The following ERBB4 variants were observed in gnomAD, a reference collection of about 807,000 sequenced individuals.
ERBB4 encodes receptor tyrosine-protein kinase erbB-4.
Under a neutral mutation model 158.0 loss-of-function variants are expected in ERBB4, and 42 were observed. That is an observed-to-expected ratio of 0.27 (90% confidence interval 0.21 to 0.34). The LOEUF is 0.34. Ranked by LOEUF, ERBB4 falls within the 10% of genes least tolerant of loss-of-function variation. The pLI, the probability that ERBB4 is intolerant of heterozygous loss-of-function variation, is 1.00. For synonymous variants in ERBB4, 583 were observed against 558.7 expected (o/e 1.04, Z -0.61); for missense variants, 1,333 against 1,624.1 (o/e 0.82, Z 3.08).
intron 25 of ERBB4, among the ~76,000 whole-genome samples, chr2:211,412,974 G>GAAAGA (rs1474556478): frequency 6.8e-6 from 1 of 147,658 alleles, no homozygotes; most frequent in African/African-American, 2.5e-5. Context: ...AAGAAAGAAA[G>GAAAGA]AAAGAAAAGA....
At chr2:212,416,709 T>C (rs1419091373) in intron 1 of ERBB4, among the ~76,000 whole-genome samples, 3 of 152,046 alleles carry the variant, frequency 2.0e-5, no homozygotes, top group Non-Finnish European at 4.4e-5. Flanking sequence ...ATATATGTAG[T>C]CTGGGGTCAC....
At chr2:212,440,430 C>G (rs1290003808) in intron 1 of ERBB4, among the ~76,000 whole-genome samples, 1 of 152,176 alleles carries the variant, frequency 6.6e-6, no homozygotes, top group South Asian at 2.1e-4. Context: ...GACTGGCTGT[C>G]CTTGCTCCTC....
At chr2:211,859,896 T>G (rs2077968996) in intron 3 of ERBB4, among the ~76,000 whole-genome samples, 2 of 152,200 alleles carry the variant, frequency 1.3e-5, no homozygotes, top group South Asian at 4.1e-4. Context: ...CATTAACTTC[T>G]TTTCCTATTT....
At chr2:211,939,243 T>C (rs1422317891) in intron 3 of ERBB4, among the ~76,000 whole-genome samples, 1 of 152,010 alleles carries the variant, frequency 6.6e-6, no homozygotes, top group African/African-American at 2.4e-5. Context: ...TTTTTGGGAG[T>C]GACATATGAA....
chr2:212,275,115 T>C (rs944480027), intron 1 of ERBB4, among the ~76,000 whole-genome samples: 33 of 152,150 alleles, frequency 2.2e-4, no homozygotes, highest in African/African-American at 7.2e-4. Context: ...TCCTTTTTTA[T>C]GGCTGCATAG....
At chr2:211,575,007 ATTATG>A (rs1449078503) in intron 19 of ERBB4, among the ~76,000 whole-genome samples, 1 of 152,204 alleles carries the variant, frequency 6.6e-6, no homozygotes, top group Admixed American at 6.5e-5. Context: ...TATAAAATAT[ATTATG>A]TTAATTTACT....
Position 212,494,825 on chromosome 2 carries a change from C to G in ERBB4, c.82+43624G>C, listed in dbSNP as rs185082044. On this transcript the variant is annotated intron_variant, in intron 1 of 27. Transcript: ENST00000342788. ...TAATGGCCAGCAGATGTTAATGGCC[C>G]TTGGCTGTACCTTGAGCTATCTACT... Among the ~76,000 whole-genome samples, 734 of 152,154 alleles carry G rather than the reference C, an allele frequency of 4.8e-3. 2 individuals carry two copies. The highest frequency in any genetic ancestry group is 6.8e-3 in the Non-Finnish European group (460 of 67,980).
chr2:211,432,093 T>C (rs559977396), intron 20 of ERBB4, among the ~76,000 whole-genome samples: 5 of 152,220 alleles, frequency 3.3e-5, no homozygotes, highest in African/African-American at 9.6e-5. Context: ...TTAGGGGAAA[T>C]TCTATATTTG....
At position 211,979,203 on chromosome 2, in the gene ERBB4, A is replaced by G. The variant is rs78336089; in HGVS notation, c.235-31587T>C. Among the ~76,000 whole-genome samples the G allele has an allele frequency of 7.5e-3, 1,141 of 152,290 alleles. 14 individuals are homozygous for G. The highest frequency in any genetic ancestry group is 0.025 in the African/African-American group (1,051 of 41,566). ...GGAATAACATGAGTTATGTTTATAC[A>G]AAGGGGAATTTTGGGAATTACTAGT... is the stretch of plus-strand genomic sequence containing the variant. On this transcript the variant is annotated intron_variant, in intron 2 of 27. Coordinates refer to ENST00000342788, the MANE Select transcript of ERBB4 (RefSeq NM_005235.3).
chr2:212,219,762 TAAATTGTGTGCATGGCC>T (rs2083230857), intron 1 of ERBB4, among the ~76,000 whole-genome samples: 1 of 151,320 alleles, frequency 6.6e-6, no homozygotes, highest in South Asian at 2.1e-4. Flanking sequence ...AACAGTAGTG[TAAATTGTGTGCATGGCC>T]AAATTCATAA....
chr2:211,548,311 G>A (rs574910559), intron 20 of ERBB4, among the ~76,000 whole-genome samples: 11 of 150,488 alleles, frequency 7.3e-5, no homozygotes, highest in Admixed American at 2.0e-4. Flanking sequence ...GAAAGATCGA[G>A]AGGGAAAACT....
chr2:211,978,447 T>C (rs1367408200), intron 2 of ERBB4, among the ~76,000 whole-genome samples: 1 of 152,064 alleles, frequency 6.6e-6, no homozygotes, highest in Non-Finnish European at 1.5e-5. Flanking sequence ...TCTAATTTAA[T>C]GAGACAGGGT....
At chr2:212,114,809 C>A (rs1461817156) in intron 2 of ERBB4, among the ~76,000 whole-genome samples, 1 of 152,052 alleles carries the variant, frequency 6.6e-6, no homozygotes, top group Non-Finnish European at 1.5e-5. Flanking sequence ...CACCACCACC[C>A]AAAAACTGAA....
chr2:212,409,002 A>G (rs1013740300), intron 1 of ERBB4, among the ~76,000 whole-genome samples: 4 of 152,170 alleles, frequency 2.6e-5, no homozygotes, highest in African/African-American at 9.7e-5. Flanking sequence ...CTCTTGGCTA[A>G]TTCTCTTTAC....
chr2:212,055,798 C>T lies in ERBB4; in HGVS notation c.234+68954G>A, dbSNP rs1300185037. Among the ~76,000 whole-genome samples the T allele has an allele frequency of 2.0e-5, 3 of 152,216 alleles. No homozygotes were observed. The South Asian group carries it at 6.2e-4, about 32-fold the overall frequency. On this transcript the variant is annotated intron_variant, in intron 2 of 27. Transcript: ENST00000342788. ...TCTGTACATCACCATCATCAAAGAA[C>T]AAAGGTAGATAAAACCACAAAGATG...
chr2:212,092,757 A>T (rs114845164), intron 2 of ERBB4, among the ~76,000 whole-genome samples: 1,971 of 152,234 alleles, frequency 0.013, 21 homozygotes, highest in Middle Eastern at 0.027. Flanking sequence ...AATAAGTTGG[A>T]GTTGAACAAT....
At chr2:211,386,074 T>C (rs1006061307) in intron 27 of ERBB4, among the ~76,000 whole-genome samples, 1 of 152,202 alleles carries the variant, frequency 6.6e-6, no homozygotes, top group Non-Finnish European at 1.5e-5. Context: ...AAATGTAGTT[T>C]ACTGTTGACA....
intron 1 of ERBB4, among the ~76,000 whole-genome samples, chr2:212,167,098 T>G (rs2081368381): frequency 6.6e-6 from 1 of 152,100 alleles, no homozygotes; most frequent in Admixed American, 6.6e-5. Context: ...AAATGGGATC[T>G]AATTAAACTC....
chr2:212,018,971 G>A (rs180948841), intron 2 of ERBB4, among the ~76,000 whole-genome samples: 47 of 152,134 alleles, frequency 3.1e-4, no homozygotes, highest in African/African-American at 4.1e-4. Flanking sequence ...GAGGGGGAGC[G>A]GTGGTTATGG....
Sources: gnomAD v4.1 joint callset for allele counts (sites outside exome capture counted in the v4.1 genomes callset) on GRCh38, gnomAD v4.1.1 for gene constraint, MANE v1.5 for transcripts, NCBI Gene and HGNC (gene_info 2026-07-23, HGNC 2026-07-21) for gene names.